The following SH3BP1 variants were observed in gnomAD, a reference collection of about 807,000 sequenced individuals.
The protein encoded by SH3BP1 is SH3 domain-binding protein 1.
Under a neutral mutation model 69.8 loss-of-function variants are expected in SH3BP1, and 46 were observed. The ratio of observed to expected loss-of-function variants is 0.66; its 90% CI spans 0.52 to 0.84. The LOEUF (loss-of-function observed/expected upper bound fraction) is 0.84, where lower values mean the gene tolerates loss of function less well. SH3BP1 is among the 40% of genes least tolerant of loss of function. The pLI is 0.00. For synonymous variants in SH3BP1, 403 were observed against 378.0 expected, an observed-to-expected ratio of 1.07 and a Z score of -0.77; for missense variants, 868 against 930.9, an observed-to-expected ratio of 0.93 and a Z score of 0.88.
In SH3BP1 at chr22:37,647,260, C is replaced by T. The variant is rs777166528; in HGVS notation, c.1037-7C>T. On this transcript the variant is annotated splice_polypyrimidine_tract_variant and splice_region_variant and intron_variant, in intron 11 of 17. Coordinates refer to ENST00000649765, the MANE Select transcript of SH3BP1 (RefSeq NM_018957.6). Reference sequence around the variant, plus strand: ...TGCCTCTGACCCTCCCCACACCCCTCCTTCAGGTGCCCTCAAGTCCTATCT... The same window carrying T: ...TGCCTCTGACCCTCCCCACACCCCTTCTTCAGGTGCCCTCAAGTCCTATCT... The T allele has an allele frequency of 6.2e-7, 1 of 1,613,770 alleles. No homozygotes were observed. Among genetic ancestry groups the T allele is most frequent in the Non-Finnish European group, 8.5e-7 (1 of 1,179,778 alleles).
chr22:37,646,757 G>A (rs551023636), intron 10 of SH3BP1, 61 bp from the exon 11 acceptor site: 110 of 1,055,624 alleles, frequency 1.0e-4, no homozygotes, highest in Middle Eastern at 2.1e-4. Context: ...CTACAAGTGC[G>A]CCAGGGTGTC....
intron 16 of SH3BP1, among the ~76,000 whole-genome samples, chr22:37,651,783 A>G (rs941848536): frequency 8.5e-5 from 13 of 152,056 alleles, no homozygotes; most frequent in Non-Finnish European, 1.6e-4. Flanking sequence ...TTCAGGGCAC[A>G]GGGAGAGAGA....
At chr22:37,653,703 G>C in intron 16 of SH3BP1, 76 bp from the exon 17 acceptor site, 1 of 995,136 alleles carries the variant, frequency 1.0e-6, no homozygotes, top group Non-Finnish European at 1.6e-6. Flanking sequence ...CCACCTGGCA[G>C]CTGGAGACTC....
At chr22:37,641,294 T>C (rs574885330) in intron 2 of SH3BP1, 80 bp from the exon 3 acceptor site, 1 of 1,517,142 alleles carries the variant, frequency 6.6e-7, no homozygotes, top group South Asian at 1.2e-5. Flanking sequence ...GGCCATGGGG[T>C]CCCCAGGGGA....
chr22:37,639,775 G>A lies in SH3BP1; in HGVS notation c.-13G>A. 2 of 1,507,276 alleles carry A rather than the reference G, an allele frequency of 1.3e-6. No individual in the cohort carries two copies. Among genetic ancestry groups the A allele is most frequent in the South Asian group, 1.3e-5 (1 of 79,928 alleles). 93.4% of individuals were successfully genotyped at this position (1,507,276 alleles called of 1,614,324 possible). A position where few individuals can be genotyped will look rare whatever the true frequency, so the allele number is the denominator to read the frequency against. ...CCCCGCCGTGACCCCGCAGCCCCCAGCTCGCCCCCAAGATGATGAAGAGGC... is the reference window on the plus strand; with the variant it reads ...CCCCGCCGTGACCCCGCAGCCCCCAACTCGCCCCCAAGATGATGAAGAGGC... On this transcript the variant is annotated 5_prime_UTR_variant, in exon 1 of 18. Transcript: ENST00000649765.
In SH3BP1 at chr22:37,644,626, C is replaced by T; in HGVS notation, c.619-11C>T. On this transcript the variant is annotated splice_polypyrimidine_tract_variant and intron_variant, in intron 7 of 17. Transcript: ENST00000649765. ...TCACCCAACGTAAGCTCTCCCCTCT[C>T]TGTCCCCAAGGACGAGTACTTGGCT... 1 of 1,614,092 alleles carries T rather than the reference C, an allele frequency of 6.2e-7. No individual in the cohort carries two copies. Among genetic ancestry groups the T allele is most frequent in the South Asian group, 1.1e-5 (1 of 91,092 alleles).
At chr22:37,648,174 G>C in intron 13 of SH3BP1, 145 bp from the exon 14 acceptor site, 1 of 641,530 alleles carries the variant, frequency 1.6e-6, no homozygotes, top group Non-Finnish European at 2.8e-6. Context: ...TGCAGGGTTG[G>C]CACTCAGTGG....
intron 16 of SH3BP1, among the ~76,000 whole-genome samples, chr22:37,653,007 C>T (rs1569011635): frequency 6.6e-6 from 1 of 151,602 alleles, no homozygotes; most frequent in Non-Finnish European, 1.5e-5. Flanking sequence ...CATGGTGGCG[C>T]ACGCCTGTAA....
In SH3BP1 at chr22:37,642,539, A is replaced by T; in HGVS notation, c.208A>T (p.Lys70Ter). The change falls in exon 4 of 18, where the codon AAG becomes TAG. Residue 70 changes from lysine to a stop codon, truncating the protein, a stop_gained and splice_region_variant. Coordinates refer to ENST00000649765, the MANE Select transcript of SH3BP1 (RefSeq NM_018957.6). LOFTEE classifies it high-confidence loss of function. ...QSGADMDKRV[K>*]KLPLMALSTT... ...ATCGCCGGCCCCACCCTCCCTGCAG[A>T]AGAAGCTTCCCCTCATGGCTCTGTC... 1 of 1,613,104 alleles carries T rather than the reference A, an allele frequency of 6.2e-7. No individual in the cohort carries two copies. The highest frequency in any genetic ancestry group is 2.2e-5 in the East Asian group (1 of 44,874).
Position 37,655,202 on chromosome 22 carries a change from A to G in SH3BP1, c.1694-70A>G, listed in dbSNP as rs555636453. ...GCAGATGCAAAGGTTGTGAGGGGGCACGGAGCTTGGTGGATTCACCACAGG... is the reference window on the plus strand; with the variant it reads ...GCAGATGCAAAGGTTGTGAGGGGGCGCGGAGCTTGGTGGATTCACCACAGG... On this transcript the variant is annotated intron_variant, in intron 17 of 17. Transcript: ENST00000649765. 2.8e-4 allele frequency: 320 copies of G among 1,163,400 alleles called. 1 individual carries two copies. The African/African-American group carries it at 4.5e-3, about 16-fold the overall frequency. The allele number at this position is 1,163,400 out of a possible 1,614,324, so 72.1% of individuals were successfully genotyped here.
intron 10 of SH3BP1, among the ~76,000 whole-genome samples, chr22:37,646,321 C>T (rs1170162903): frequency 6.7e-6 from 1 of 148,880 alleles, no homozygotes; most frequent in South Asian, 2.1e-4. Context: ...TGCAGTGGTG[C>T]GATCCTGGCT....
chr22:37,651,356 G>A (rs1932876042), intron 16 of SH3BP1, among the ~76,000 whole-genome samples: 1 of 145,000 alleles, frequency 6.9e-6, no homozygotes, highest in South Asian at 2.2e-4. Flanking sequence ...TTTTTTCTGA[G>A]ATGGAGTTCA....
chr22:37,655,782 C>T lies in SH3BP1; in HGVS notation c.*98C>T. On this transcript the variant is annotated 3_prime_UTR_variant, in exon 18 of 18. Coordinates refer to ENST00000649765, the MANE Select transcript of SH3BP1 (RefSeq NM_018957.6). ...CCCCCCACAAAGGGGCATGGGCCTC[C>T]AGCCTTTGCCCACAAGTGCCTCAGT... The T allele has an allele frequency of 6.9e-7, 1 of 1,447,940 alleles. No homozygotes were observed. The highest frequency in any genetic ancestry group is 1.4e-5 in the African/African-American group (1 of 70,152). 89.7% of individuals were successfully genotyped at this position (1,447,940 alleles called of 1,614,324 possible). A position where few individuals can be genotyped will look rare whatever the true frequency, so the allele number is the denominator to read the frequency against.
rs1569010430 is a variant in SH3BP1, at chr22:37,650,640, CCCACCCCAGCCA to C, written c.1521_1532del (p.Thr509_Ala512del). Reference sequence around the variant, plus strand: ...TGAGGAACTTCCGTCCACTGCCGTGCCCACCCCAGCCACCACCCCGGCTCCGGCTCCGGCTCC... The same window carrying C: ...TGAGGAACTTCCGTCCACTGCCGTGCCCACCCCGGCTCCGGCTCCGGCTCC... On this transcript the variant is annotated inframe_deletion, in exon 16 of 18. Transcript: ENST00000649765. 4 of 1,614,016 alleles carry C rather than the reference CCCACCCCAGCCA, an allele frequency of 2.5e-6. No homozygotes were observed. The highest frequency in any genetic ancestry group is 3.4e-6 in the Non-Finnish European group (4 of 1,180,022).
At chr22:37,642,202 C>T (rs1932621765) in intron 3 of SH3BP1, 1 of 346,664 alleles carries the variant, frequency 2.9e-6, no homozygotes, top group Non-Finnish European at 5.6e-6. Flanking sequence ...GGGGAAAGAG[C>T]TCCCGCTCCC....
Position 37,644,648 on chromosome 22 carries a change from G to A in SH3BP1, c.630G>A (p.Leu210=). ...TCTCTGTCCCCAAGGACGAGTACTT[G>A]GCTGACCTGTACCACTTTGTTACCA... ...RKVEQCRDEY[L]ADLYHFVTKE... The change falls in exon 8 of 18, where the codon TTG becomes TTA. Residue 210 remains leucine (L), a synonymous_variant. Transcript: ENST00000649765. 1 of 1,614,156 alleles carries A rather than the reference G, an allele frequency of 6.2e-7. No individual in the cohort carries two copies.
rs1932660810 is a variant in SH3BP1 at position 37,643,022 on chromosome 22, G to A, written c.396+16G>A. 1 of 1,611,170 alleles carries A rather than the reference G, an allele frequency of 6.2e-7. No homozygotes were observed. Among genetic ancestry groups the A allele is most frequent in the Non-Finnish European group, 8.5e-7 (1 of 1,178,222 alleles). ...GCTGAGTGAGGTGAGCCTGTGCCCT[G>A]CTTTCAGCCCCCAGCTTCCCCAGCT... is the stretch of plus-strand genomic sequence containing the variant. On this transcript the variant is annotated intron_variant, in intron 5 of 17. Coordinates refer to ENST00000649765, the MANE Select transcript of SH3BP1 (RefSeq NM_018957.6).
chr22:37,642,724 G>A (rs539417131), intron 4 of SH3BP1, 109 bp downstream of exon 4: 2 of 1,606,096 alleles, frequency 1.2e-6, no homozygotes, highest in South Asian at 1.1e-5. Context: ...GACCAGGCTG[G>A]GGACAGTTCC....
intron 6 of SH3BP1, 74 bp downstream of exon 6, chr22:37,643,248 T>C (rs2146047965): frequency 7.7e-7 from 1 of 1,302,126 alleles, no homozygotes. Flanking sequence ...TTTGAGGCCC[T>C]GGCCACACCA....
Sources: gnomAD v4.1 joint callset for allele counts (sites outside exome capture counted in the v4.1 genomes callset) on GRCh38, gnomAD v4.1.1 for gene constraint, MANE v1.5 for transcripts, NCBI Gene and HGNC (gene_info 2026-07-23, HGNC 2026-07-21) for gene names.